CNKSR3: variants seen among roughly 807,000 people sequenced by gnomAD.
CNKSR3 encodes the protein CNKSR family member 3.
CNKSR3 carries 36 observed loss-of-function variants against 67.7 expected under a neutral mutation model. The ratio of observed to expected loss-of-function variants is 0.53; its 90% CI spans 0.41 to 0.70. The LOEUF (loss-of-function observed/expected upper bound fraction) is 0.70, where lower values mean the gene tolerates loss of function less well. CNKSR3 is among the 30% of genes least tolerant of loss of function. The pLI is 0.00. For synonymous variants in CNKSR3, 281 were observed against 271.4 expected (o/e 1.04, Z -0.35); for missense variants, 630 against 695.2 (o/e 0.91, Z 1.05).
In CNKSR3 at chr6:154,441,437, C is replaced by G. The variant is rs1785584781; in HGVS notation, c.420-58G>C. 1.6e-5 allele frequency: 20 copies of G among 1,283,016 alleles called. No homozygotes were observed. The Admixed American group carries it at 3.2e-4, about 21-fold the overall frequency. The allele number at this position is 1,283,016 out of a possible 1,614,324, so 79.5% of individuals were successfully genotyped here. A position where few individuals can be genotyped will look rare whatever the true frequency, so the allele number is the denominator to read the frequency against. ...GTAGGGAGAATCCACGGGGATCCCA[C>G]TGGATGTTGGTAAGCATAGCTACCC... On this transcript the variant is annotated intron_variant, in intron 3 of 12. Coordinates refer to ENST00000607772, the MANE Select transcript of CNKSR3 (RefSeq NM_173515.4).
intron 1 of CNKSR3, among the ~76,000 whole-genome samples, chr6:154,504,353 A>T (rs1398108947): frequency 6.6e-6 from 1 of 152,238 alleles, no homozygotes; most frequent in African/African-American, 2.4e-5. Flanking sequence ...TGATAAGAAT[A>T]CACCTTATGA....
rs35873703 is a variant in CNKSR3 at position 154,415,228 on chromosome 6, A to ATTTTTTTTTTTTTTTTTTTTTTTTTTTT, written c.946-806_946-805insAAAAAAAAAAAAAAAAAAAAAAAAAAAA. On this transcript the variant is annotated intron_variant, in intron 9 of 12. Transcript: ENST00000607772. ...TCCTGGCTAGACTTACTAGCTGCCC[A>ATTTTTTTTTTTTTTTTTTTTTTTTTTTT]TTTTTTTTTTTTTTTTTTTTAAGAT... Among the ~76,000 whole-genome samples, 73 of 118,102 alleles carry ATTTTTTTTTTTTTTTTTTTTTTTTTTTT rather than the reference A, an allele frequency of 6.2e-4. 6 individuals are homozygous for ATTTTTTTTTTTTTTTTTTTTTTTTTTTT. The highest frequency in any genetic ancestry group is 9.4e-4 in the Non-Finnish European group (56 of 59,388). The allele number at this position is 118,102 out of a possible 152,430, so 77.5% of individuals were successfully genotyped here. A position where few individuals can be genotyped will look rare whatever the true frequency, so the allele number is the denominator to read the frequency against.
intron 1 of CNKSR3, among the ~76,000 whole-genome samples, chr6:154,480,959 A>G (rs1209698009): frequency 6.6e-6 from 1 of 151,962 alleles, no homozygotes; most frequent in Non-Finnish European, 1.5e-5. Context: ...TGCATATTTG[A>G]TATTTATTTG....
rs748929065 is a variant in CNKSR3 at position 154,406,378 on chromosome 6, C to T, written c.1644G>A (p.Thr548=). 1.9e-6 allele frequency: 3 copies of T among 1,613,538 alleles called. No homozygotes were observed. Among genetic ancestry groups the T allele is most frequent in the East Asian group, 4.5e-5 (2 of 44,864 alleles). The part of the protein sequence containing the change: ...TEPSLLVSWF[T]RLKLLTH Reference sequence around the variant, plus strand: ...CTCAGTGAGTCAACAGTTTGAGGCGCGTAAACCAGCTGACCAGGAGGGACG... The same window carrying T: ...CTCAGTGAGTCAACAGTTTGAGGCGTGTAAACCAGCTGACCAGGAGGGACG... Residue 548 remains threonine (T), a synonymous_variant, in exon 13 of 13, where the codon ACG becomes ACA. Transcript: ENST00000607772.
intron 8 of CNKSR3, 58 bp from the exon 9 acceptor site, chr6:154,422,710 A>G: frequency 6.3e-7 from 1 of 1,582,480 alleles, no homozygotes; most frequent in Non-Finnish European, 8.7e-7. Context: ...AAAAAACCGA[A>G]CCTATGAATT....
intron 9 of CNKSR3, among the ~76,000 whole-genome samples, chr6:154,417,666 G>A (rs1387072447): frequency 6.6e-6 from 1 of 152,142 alleles, no homozygotes; most frequent in Non-Finnish European, 1.5e-5. Flanking sequence ...AGTTAAAATG[G>A]AAGTCATTAG....
chr6:154,466,405 C>T (rs1478494816), intron 1 of CNKSR3, among the ~76,000 whole-genome samples: 1 of 152,122 alleles, frequency 6.6e-6, no homozygotes, highest in Non-Finnish European at 1.5e-5. Context: ...CACAGAAACA[C>T]GCACAAGCAT....
chr6:154,481,033 CTTAT>C (rs1562352594), intron 1 of CNKSR3, among the ~76,000 whole-genome samples: 1 of 143,828 alleles, frequency 7.0e-6, no homozygotes, highest in East Asian at 2.1e-4. Flanking sequence ...TTGATATTTA[CTTAT>C]TTATGCTTAT....
intron 1 of CNKSR3, among the ~76,000 whole-genome samples, chr6:154,483,780 A>C (rs1216562360): frequency 6.6e-6 from 1 of 152,160 alleles, no homozygotes; most frequent in Non-Finnish European, 1.5e-5. Flanking sequence ...GTACATCTGA[A>C]TGCATCAGAT....
chr6:154,437,982 T>C (rs1258739685), intron 4 of CNKSR3, among the ~76,000 whole-genome samples: 2 of 151,908 alleles, frequency 1.3e-5, no homozygotes, highest in African/African-American at 4.8e-5. Context: ...CTACTCCTTC[T>C]GAAGCAGGCA....
intron 1 of CNKSR3, among the ~76,000 whole-genome samples, chr6:154,502,766 A>AT (rs1330097212): frequency 1.3e-5 from 2 of 152,164 alleles, no homozygotes; most frequent in African/African-American, 2.4e-5. Flanking sequence ...ATAACATCTG[A>AT]TTTTTTCACT....
At chr6:154,494,845 A>T (rs1376195194) in intron 1 of CNKSR3, among the ~76,000 whole-genome samples, 3 of 152,036 alleles carry the variant, frequency 2.0e-5, no homozygotes, top group Non-Finnish European at 4.4e-5. Flanking sequence ...CCAAACACCA[A>T]CTGCAGCCAG....
intron 2 of CNKSR3, among the ~76,000 whole-genome samples, chr6:154,446,607 T>G (rs1378339960): frequency 1.3e-5 from 2 of 152,200 alleles, no homozygotes; most frequent in Non-Finnish European, 2.9e-5. Context: ...ATAAGCACTC[T>G]AGGCCCATAG....
At chr6:154,484,466 C>G (rs1053575062) in intron 1 of CNKSR3, among the ~76,000 whole-genome samples, 5 of 152,114 alleles carry the variant, frequency 3.3e-5, no homozygotes, top group African/African-American at 1.2e-4. Context: ...AACGCTTTGG[C>G]AGGCCAAGGC....
intron 5 of CNKSR3, among the ~76,000 whole-genome samples, 177 bp from the exon 6 acceptor site, chr6:154,430,768 T>C (rs991712146): frequency 3.3e-5 from 5 of 152,212 alleles, no homozygotes; most frequent in East Asian, 1.9e-4. Flanking sequence ...TCTGTGGGAA[T>C]AGTGCCACTA....
chr6:154,418,955 CAA>C (rs760812411), intron 9 of CNKSR3, among the ~76,000 whole-genome samples: 2,668 of 87,186 alleles, frequency 0.031, 81 homozygotes, highest in African/African-American at 0.1. Context: ...AACTCAACAG[CAA>C]AAAAAAAAAA....
intron 1 of CNKSR3, among the ~76,000 whole-genome samples, chr6:154,501,403 C>T (rs1786990767): frequency 6.6e-6 from 1 of 152,150 alleles, no homozygotes; most frequent in South Asian, 2.1e-4. Context: ...AATTGCACCT[C>T]CCTGACCACG....
rs1180004696 is a variant in CNKSR3, at chr6:154,442,152, C to T, written c.355G>A (p.Glu119Lys). ...AGCTCCACCACCGAGGTCAGGAACT[C>T]ATTGGGGGCCTTGCGGGAGGTGTTG... ...DGNTSRKAPN[E>K]FLTSVVELIG... The change falls in exon 3 of 13, where the codon GAG (glutamate) becomes AAG (lysine). Residue 119 changes from glutamate (E) to lysine (K), a missense_variant. Coordinates refer to ENST00000607772, the MANE Select transcript of CNKSR3 (RefSeq NM_173515.4). The T allele has an allele frequency of 4.3e-6, 7 of 1,614,200 alleles. No homozygotes were observed. Among genetic ancestry groups the T allele is most frequent in the Non-Finnish European group, 5.9e-6 (7 of 1,180,018 alleles).
At chr6:154,413,231 T>C (rs571602838) in intron 10 of CNKSR3, among the ~76,000 whole-genome samples, 21 of 151,962 alleles carry the variant, frequency 1.4e-4, no homozygotes, top group Non-Finnish European at 2.5e-4. Flanking sequence ...TGTTTTTTGT[T>C]TTTTTGTTTT....
Sources: gnomAD v4.1 joint callset for allele counts (sites outside exome capture counted in the v4.1 genomes callset) on GRCh38, gnomAD v4.1.1 for gene constraint, MANE v1.5 for transcripts, NCBI Gene and HGNC (gene_info 2026-07-23, HGNC 2026-07-21) for gene names.